The following CSMD3 variants were observed in gnomAD, a reference collection of about 807,000 sequenced individuals.
CSMD3 encodes CUB and Sushi multiple domains 3.
CSMD3 carries 177 observed loss-of-function variants against 435.2 expected under a neutral mutation model. That is an observed-to-expected ratio of 0.41 (90% CI 0.36 to 0.46). The LOEUF (loss-of-function observed/expected upper bound fraction) is 0.46. Ranked by LOEUF, CSMD3 falls within the 20% of genes least tolerant of loss-of-function variation. CSMD3 has a pLI of 0.34. For synonymous variants in CSMD3, 1,656 were observed against 1,520.5 expected (o/e 1.09, Z -2.07); for missense variants, 4,265 against 4,504.6 (o/e 0.95, Z 1.52).
chr8:112,341,791 A>G (rs577364555), intron 41 of CSMD3, 105 bp from the exon 42 acceptor site: 12 of 797,872 alleles, frequency 1.5e-5, no homozygotes, highest in Non-Finnish European at 2.6e-5. Flanking sequence ...GTTTGCATTT[A>G]AGTCAAGAGG....
rs892929559 is a variant in CSMD3, at chr8:113,143,824, A to G, written c.709+29898T>C. 2.0e-4 allele frequency among the ~76,000 whole-genome samples: 31 copies of G among 151,510 alleles called. No individual in the cohort carries two copies. In the East Asian group the frequency reaches 5.5e-3, roughly 27 times the overall value. On this transcript the variant is annotated intron_variant, in intron 4 of 70. Coordinates refer to ENST00000297405, the MANE Select transcript of CSMD3 (RefSeq NM_198123.2). ...TGGGGTGGGAATGAGTTTGGCTATAAAAGGGCAATATAAAATATCCTATGG... is the reference window on the plus strand; with the variant it reads ...TGGGGTGGGAATGAGTTTGGCTATAGAAGGGCAATATAAAATATCCTATGG...
intron 9 of CSMD3, among the ~76,000 whole-genome samples, chr8:112,929,820 T>G (rs758928972): frequency 6.6e-6 from 1 of 152,030 alleles, no homozygotes; most frequent in African/African-American, 2.4e-5. Flanking sequence ...TACACTTAAG[T>G]GGCAAAATAT....
chr8:113,355,735 TATATATATATATATACAC>T (rs1563737862), intron 1 of CSMD3, among the ~76,000 whole-genome samples: 8 of 108,654 alleles, frequency 7.4e-5, no homozygotes, highest in African/African-American at 3.4e-4. Flanking sequence ...TATATATATA[TATATATATATATATACAC>T]ACACACACAC....
chr8:112,793,258 A>G (rs1040063848), intron 13 of CSMD3, among the ~76,000 whole-genome samples: 7 of 149,060 alleles, frequency 4.7e-5, no homozygotes, highest in Non-Finnish European at 7.4e-5. Context: ...AGATAAAGAA[A>G]TTTGCTCATG....
chr8:112,348,383 C>T (rs1825852102), intron 40 of CSMD3, among the ~76,000 whole-genome samples: 2 of 152,088 alleles, frequency 1.3e-5, no homozygotes, highest in South Asian at 4.1e-4. Flanking sequence ...TCCTTCTTTC[C>T]ATCAAAATAT....
chr8:112,343,001 TTATATATATATATATTTA>T (rs1563815603), intron 41 of CSMD3, among the ~76,000 whole-genome samples: 3 of 109,676 alleles, frequency 2.7e-5, no homozygotes, highest in African/African-American at 1.1e-4. Flanking sequence ...ATATATATAT[TTATATATATATATATTTA>T]TATATATATA....
At chr8:113,035,179 CT>C (rs2087289366) in intron 5 of CSMD3, among the ~76,000 whole-genome samples, 1 of 151,826 alleles carries the variant, frequency 6.6e-6, no homozygotes, top group Non-Finnish European at 1.5e-5. Context: ...AATCCTTGTT[CT>C]TTGAAAAAAT....
intron 18 of CSMD3, among the ~76,000 whole-genome samples, chr8:112,653,747 C>T (rs1015159208): frequency 2.0e-5 from 3 of 149,034 alleles, no homozygotes; most frequent in Non-Finnish European, 4.5e-5. Context: ...GCAACCTCCA[C>T]CTCCCAGGTT....
chr8:112,524,461 G>A (rs1356208751), intron 27 of CSMD3, among the ~76,000 whole-genome samples: 7 of 151,958 alleles, frequency 4.6e-5, no homozygotes, highest in African/African-American at 7.2e-5. Context: ...AATCAGATTC[G>A]TTAAATATTT....
intron 10 of CSMD3, among the ~76,000 whole-genome samples, chr8:112,906,664 T>C (rs1337102808): frequency 1.3e-5 from 2 of 151,488 alleles, no homozygotes; most frequent in Non-Finnish European, 3.0e-5. Flanking sequence ...AAATCTTTTT[T>C]TCACCTCACC....
At chr8:113,005,839 T>C (rs1429539712) in intron 6 of CSMD3, among the ~76,000 whole-genome samples, 1 of 152,082 alleles carries the variant, frequency 6.6e-6, no homozygotes, top group Non-Finnish European at 1.5e-5. Flanking sequence ...CCTGCAGTAA[T>C]TCTCAACCAT....
intron 12 of CSMD3, among the ~76,000 whole-genome samples, chr8:112,814,053 T>C (rs568006864): frequency 6.6e-6 from 1 of 152,320 alleles, no homozygotes; most frequent in East Asian, 1.9e-4. Flanking sequence ...TTTATTTAAC[T>C]GTGAGCACAA....
chr8:113,409,802 A>G (rs1213887578), intron 1 of CSMD3, among the ~76,000 whole-genome samples: 1 of 152,098 alleles, frequency 6.6e-6, no homozygotes, highest in Admixed American at 6.6e-5. Flanking sequence ...TGAGGAAGAT[A>G]CTGACTGGCT....
intron 10 of CSMD3, among the ~76,000 whole-genome samples, chr8:112,891,535 T>A (rs1259699877): frequency 6.6e-6 from 1 of 151,368 alleles, no homozygotes; most frequent in Non-Finnish European, 1.5e-5. Context: ...AGGGAGAGGG[T>A]TCTGATTTTC....
At chr8:113,038,272 A>T (rs929929309) in intron 5 of CSMD3, among the ~76,000 whole-genome samples, 1 of 152,210 alleles carries the variant, frequency 6.6e-6, no homozygotes, top group African/African-American at 2.4e-5. Context: ...AGTTAGACAC[A>T]GTCATAAAGA....
At chr8:113,356,806 G>GT (rs1404582082) in intron 1 of CSMD3, among the ~76,000 whole-genome samples, 1 of 151,978 alleles carries the variant, frequency 6.6e-6, no homozygotes, top group African/African-American at 2.4e-5. Context: ...CTACTTAGGA[G>GT]TTACCTAAAT....
At chr8:112,459,371 T>G (rs183726615) in intron 32 of CSMD3, among the ~76,000 whole-genome samples, 28,062 of 130,916 alleles carry the variant, frequency 0.21, 3,205 homozygotes, top group Middle Eastern at 0.39. Context: ...GGGGGGGGGG[T>G]TTATTCAATT....
In CSMD3 at chr8:112,265,531, C is replaced by T. The variant is rs748496605; in HGVS notation, c.9568G>A (p.Val3190Met). ...ATGTAAGAAACATTTTGTCCAACCA[C>T]ATAATCATCTCCATATCTCAGTCCA... Reference protein sequence around the residue: ...ANGLRYGDDYVVGQNVSYMCQ... With the variant: ...ANGLRYGDDYMVGQNVSYMCQ... Residue 3190 changes from valine to methionine, a missense_variant, in exon 60 of 71, where the codon GTG becomes ATG. By Grantham distance (21) the Val-to-Met change is conservative. This residue lies in a region of CSMD3 where 3,255 missense variants were observed against 3,380.2 expected (regional missense o/e 0.96). Coordinates refer to ENST00000297405, the MANE Select transcript of CSMD3 (RefSeq NM_198123.2). 2 of 1,613,548 alleles carry T rather than the reference C, an allele frequency of 1.2e-6. No individual in the cohort carries two copies. Among genetic ancestry groups the T allele is most frequent in the Middle Eastern group, 1.7e-4 (1 of 6,060 alleles).
intron 1 of CSMD3, among the ~76,000 whole-genome samples, chr8:113,429,382 A>G (rs1012834526): frequency 6.6e-6 from 1 of 151,958 alleles, no homozygotes; most frequent in African/African-American, 2.4e-5. Flanking sequence ...TTTAAGTAAG[A>G]AATTGTCTAC....
Sources: allele counts gnomAD v4.1 joint callset (sites outside exome capture counted in the v4.1 genomes callset), GRCh38; gene constraint gnomAD v4.1.1; regional missense constraint gnomAD v4.1.1; transcripts MANE v1.5; gene names NCBI Gene and HGNC (gene_info 2026-07-23, HGNC 2026-07-21).